The following SYNPO variants were observed in gnomAD, a reference collection of about 807,000 sequenced individuals.
SYNPO encodes the protein synaptopodin.
A neutral mutation model predicts 49.5 loss-of-function variants in SYNPO; 19 were observed. The observed-to-expected ratio is 0.38, with a 90% CI of 0.27 to 0.56. SYNPO has a LOEUF of 0.56. SYNPO is among the 20% of genes least tolerant of loss of function. The probability of loss-of-function intolerance (pLI) is 0.68; values close to 1 mark genes in which losing one functional copy is unlikely to be tolerated. For missense variants in SYNPO, 1,131 were observed against 1,248.3 expected (o/e 0.91, Z 1.42); for synonymous variants, 536 against 548.0 (o/e 0.98, Z 0.31).
chr5:150,628,337 C>T (rs1336501813), intron 2 of SYNPO, among the ~76,000 whole-genome samples: 4 of 152,120 alleles, frequency 2.6e-5, no homozygotes, highest in Non-Finnish European at 4.4e-5. Context: ...AGGGTTGCTG[C>T]GGGTGGAACA....
chr5:150,654,793 A>G (rs559743091), intron 2 of SYNPO, among the ~76,000 whole-genome samples: 1 of 152,284 alleles, frequency 6.6e-6, no homozygotes, highest in East Asian at 1.9e-4. Flanking sequence ...AACATGGCAA[A>G]TGGTTTGGGG....
At position 150,643,266 on chromosome 5, in the gene SYNPO, T is replaced by A. The variant is rs79256630; in HGVS notation, c.-333+2412T>A. 7.9e-5 allele frequency among the ~76,000 whole-genome samples: 12 copies of A among 152,320 alleles called. No individual in the cohort carries two copies. The East Asian group carries it at 2.3e-3, about 29-fold the overall frequency. On this transcript the variant is annotated intron_variant, in intron 1 of 2. Transcript: ENST00000307662. ...GGCTCTGTGATCGTGGGCAGCTCAC[T>A]TTACCTCTCTGAGCCGTAGATTTCT...
At chr5:150,618,686 G>A in exon 2 of SYNPO, 2 of 1,551,410 alleles carry the variant, frequency 1.3e-6, no homozygotes, top group Non-Finnish European at 1.7e-6. Flanking sequence ...GGCCAGCCAG[G>A]ACTGGGATGT....
At chr5:150,642,666 C>T (rs1030801061) in intron 1 of SYNPO, among the ~76,000 whole-genome samples, 5 of 152,212 alleles carry the variant, frequency 3.3e-5, no homozygotes, top group African/African-American at 1.2e-4. Flanking sequence ...CCCCCCGCCT[C>T]CCCAGCTTTG....
At position 150,648,859 on chromosome 5, in the gene SYNPO, A is replaced by G. The variant is rs1581510960; in HGVS notation, c.584A>G (p.Asp195Gly). ...TTCATGTCCAGCTCCCTGCTCATTG[A>G]CATCCAGCCCAACACCCTAGTGGTG... ...SDFMSSSLLI[D>G]IQPNTLVVSA... is the part of the protein sequence containing the mutation. Residue 195 changes from aspartate to glycine, a missense_variant, in exon 2 of 3, where the codon GAC (aspartate) becomes GGC (glycine). This residue lies in a region of SYNPO where 602 missense variants were observed against 720.7 expected (regional missense o/e 0.84). Coordinates refer to ENST00000307662, the MANE Select transcript of SYNPO (RefSeq NM_007286.6). The surrounding 1 kb of genome is among the most constrained non-coding windows in gnomAD (Gnocchi z 5.0). 2 of 1,614,052 alleles carry G rather than the reference A, an allele frequency of 1.2e-6. No homozygotes were observed. The highest frequency in any genetic ancestry group is 2.7e-5 in the African/African-American group (2 of 74,934).
the SYNPO span, among the ~76,000 whole-genome samples, chr5:150,590,767 G>T: frequency 1.3e-5 from 2 of 152,222 alleles, no homozygotes; most frequent in Admixed American, 1.3e-4. Context: ...TTAGCACGGT[G>T]CCTGACACGT....
At chr5:150,598,426 C>A (rs1274307837), upstream of SYNPO, among the ~76,000 whole-genome samples, 2 of 152,172 alleles carry the variant, frequency 1.3e-5, no homozygotes, top group African/African-American at 4.8e-5. Context: ...CACTTAAATA[C>A]CCGCACTGCC....
chr5:150,617,303 TTTG>T (rs1414340523), intron 1 of SYNPO, among the ~76,000 whole-genome samples: 3 of 146,360 alleles, frequency 2.0e-5, no homozygotes, highest in South Asian at 2.2e-4. Context: ...ACCATCTTCT[TTTG>T]TTTTTTTTGG....
rs562715669 is a variant in SYNPO, at chr5:150,650,202, G to C, written c.1927G>C (p.Gly643Arg). The C allele has an allele frequency of 1.2e-6, 2 of 1,613,936 alleles. No individual in the cohort carries two copies. Among genetic ancestry groups the C allele is most frequent in the South Asian group, 1.1e-5 (1 of 91,080 alleles). Residue 643 changes from glycine (G) to arginine (R), a missense_variant, in exon 2 of 3, where the codon GGT (glycine) becomes CGT (arginine). Around this residue, in one of 4 missense-constraint regions of SYNPO, gnomAD observed 509 missense variants for 484.5 expected, o/e 1.05. Coordinates refer to ENST00000307662, the MANE Select transcript of SYNPO (RefSeq NM_007286.6). ...CACTGCCGTGAGCCCTCCTTACGGCGGTGACATCTCCCCCGTGTCTCCCTC... is the reference window on the plus strand; with the variant it reads ...CACTGCCGTGAGCCCTCCTTACGGCCGTGACATCTCCCCCGTGTCTCCCTC... ...QPTAVSPPYGGDISPVSPSRA... is the reference protein window; with the variant it reads ...QPTAVSPPYGRDISPVSPSRA...
chr5:150,599,998 G>T (rs571060322), upstream of SYNPO, among the ~76,000 whole-genome samples: 5 of 152,306 alleles, frequency 3.3e-5, no homozygotes, highest in Non-Finnish European at 7.3e-5. Context: ...GAGGGAGCTG[G>T]GAACAGCTTG....
rs752802667 is a variant in SYNPO, at chr5:150,649,444, C to A, written c.1169C>A (p.Thr390Asn). The A allele has an allele frequency of 1.2e-6, 2 of 1,614,180 alleles. No individual in the cohort carries two copies. The highest frequency in any genetic ancestry group is 2.2e-5 in the South Asian group (2 of 91,086). ...MFTFVEKPKV[T>N]PNPDLLDLVQ... ...ACTTTCGTGGAGAAGCCCAAGGTGA[C>A]CCCGAATCCAGACTTGCTGGATCTG... The change falls in exon 2 of 3, where the codon ACC becomes AAC. Residue 390 changes from threonine (T) to asparagine (N), a missense_variant. Physicochemically the swap from Thr to Asn is moderately conservative, Grantham distance 65 (BLOSUM62 0). Coordinates refer to ENST00000307662, the MANE Select transcript of SYNPO (RefSeq NM_007286.6).
intron 2 of SYNPO, among the ~76,000 whole-genome samples, chr5:150,655,151 T>G (rs1278243230): frequency 6.6e-6 from 1 of 152,248 alleles, no homozygotes; most frequent in Non-Finnish European, 1.5e-5. Flanking sequence ...TCAATATTTT[T>G]ACATTTTAAT....
chr5:150,617,986 A>AC (rs1367237369), intron 1 of SYNPO: 1 of 172,086 alleles, frequency 5.8e-6, no homozygotes, highest in African/African-American at 2.4e-5. Context: ...TGGAACCTGC[A>AC]CCCCAAATGC....
intron 1 of SYNPO, among the ~76,000 whole-genome samples, chr5:150,603,128 T>A (rs185690148): frequency 1.3e-5 from 2 of 152,202 alleles, no homozygotes; most frequent in African/African-American, 2.4e-5. Context: ...GAGTAAAAGC[T>A]GGATGCCCAA....
upstream of SYNPO, among the ~76,000 whole-genome samples, chr5:150,596,321 T>C (rs1223900477): frequency 6.6e-6 from 1 of 152,194 alleles, no homozygotes; most frequent in Non-Finnish European, 1.5e-5. Flanking sequence ...CAGCAGTCAC[T>C]GTGGGACTAG....
chr5:150,641,167 G>C (rs1335827866), intron 1 of SYNPO, among the ~76,000 whole-genome samples: 5 of 152,248 alleles, frequency 3.3e-5, no homozygotes, highest in Non-Finnish European at 7.3e-5. Context: ...GAATTCTCCA[G>C]GGCATGGAGC....
chr5:150,598,527 C>T (rs142640580), upstream of SYNPO, among the ~76,000 whole-genome samples: 8 of 152,332 alleles, frequency 5.3e-5, no homozygotes, highest in East Asian at 1.9e-4. Flanking sequence ...GCATGTGAAA[C>T]GCTTAGTACA....
At chr5:150,644,800 G>A (rs1419879038) in intron 1 of SYNPO, among the ~76,000 whole-genome samples, 2 of 152,174 alleles carry the variant, frequency 1.3e-5, no homozygotes, top group East Asian at 1.9e-4. Flanking sequence ...CATCCCTTAG[G>A]CTCCTCCCAG....
At chr5:150,631,338 G>A (rs1757529422) in intron 2 of SYNPO, among the ~76,000 whole-genome samples, 1 of 152,188 alleles carries the variant, frequency 6.6e-6, no homozygotes, top group African/African-American at 2.4e-5. Flanking sequence ...TGAGGGCCTT[G>A]GGACCTGTGA....
Sources: allele counts gnomAD v4.1 joint callset (sites outside exome capture counted in the v4.1 genomes callset), GRCh38; gene constraint gnomAD v4.1.1; regional missense constraint gnomAD v4.1.1; non-coding constraint Gnocchi (gnomAD v3.1); transcripts MANE v1.5; gene names NCBI Gene and HGNC (gene_info 2026-07-23, HGNC 2026-07-21).